The following OPHN1 variants were observed in gnomAD, a reference collection of about 807,000 sequenced individuals.
OPHN1 encodes the protein oligophrenin 1.
A neutral mutation model predicts 60.7 loss-of-function variants in OPHN1; 11 were observed. That is an observed-to-expected ratio of 0.18 (90% CI 0.11 to 0.30). The LOEUF (loss-of-function observed/expected upper bound fraction) is 0.30. OPHN1 is among the 10% of genes least tolerant of loss of function. The pLI, the probability that OPHN1 is intolerant of heterozygous loss-of-function variation, is 1.00. For missense variants in OPHN1, 449 were observed against 611.0 expected, an observed-to-expected ratio of 0.73 and a Z score of 2.80; for synonymous variants, 226 against 222.6, an observed-to-expected ratio of 1.02 and a Z score of -0.14.
chrX:68,053,913 CCT>C, intron 21 of OPHN1, 103 bp from the exon 22 acceptor site: 2 of 864,079 alleles, frequency 2.3e-6, no homozygotes, highest in Non-Finnish European at 3.3e-6. Flanking sequence ...ACTTCCTTGG[CCT>C]CCATTTCTTC....
chrX:68,203,518 C>T (rs764395154), intron 10 of OPHN1, among the ~76,000 whole-genome samples: 1 of 111,208 alleles, frequency 9.0e-6, no homozygotes, highest in South Asian at 3.8e-4. Flanking sequence ...AGTATGCCTT[C>T]CTACCCCTAA....
chrX:68,179,906 G>C (rs938713475), intron 15 of OPHN1, among the ~76,000 whole-genome samples: 1 of 111,375 alleles, frequency 9.0e-6, no homozygotes, highest in African/African-American at 3.3e-5. Flanking sequence ...TTTATCAGGA[G>C]CCCAGTCTCA....
rs878939710 is a variant in OPHN1 at position 68,194,408 on chromosome X, T to C, written c.1138+57A>G. On this transcript the variant is annotated intron_variant, in intron 13 of 24. Coordinates refer to ENST00000355520, the MANE Select transcript of OPHN1 (RefSeq NM_002547.3). ...ACATCATTAATGATGGTATTTACTA[T>C]GAATCGGACAGCTGGCAGTTTATAA... 4.2e-5 allele frequency: 41 copies of C among 976,767 alleles called. No individual in the cohort carries two copies. The South Asian group carries it at 6.3e-4, about 15-fold the overall frequency. The allele number at this position is 976,767 out of a possible 1,213,427, so 80.5% of individuals were successfully genotyped here.
intron 3 of OPHN1, among the ~76,000 whole-genome samples, chrX:68,292,127 G>A (rs1329943849): frequency 7.2e-5 from 8 of 111,286 alleles, no homozygotes; most frequent in African/African-American, 2.3e-4. Flanking sequence ...TGGGTGGCTG[G>A]GGGTTGTTCA....
chrX:68,290,890 G>A (rs942312769), intron 3 of OPHN1, among the ~76,000 whole-genome samples: 1 of 111,596 alleles, frequency 9.0e-6, no homozygotes, highest in African/African-American at 3.3e-5. Context: ...ATTAGATAGT[G>A]TACACAAAGC....
rs746993184 is a variant in OPHN1 at position 68,258,532 on chromosome X, C to T, written c.384+16206G>A. ...CGCAGTGTTTGGTTTTTTGTCCTTGCGATAGTTTGCTGAGAATGATGGTTT... is the reference window on the plus strand; with the variant it reads ...CGCAGTGTTTGGTTTTTTGTCCTTGTGATAGTTTGCTGAGAATGATGGTTT... On this transcript the variant is annotated intron_variant, in intron 5 of 24. Transcript: ENST00000355520. Among the ~76,000 whole-genome samples, 5 of 105,917 alleles carry T rather than the reference C, an allele frequency of 4.7e-5. No individual in the cohort carries two copies. The South Asian group carries it at 1.7e-3, about 37-fold the overall frequency. 92.0% of individuals were successfully genotyped at this position (105,917 alleles called of 115,157 possible).
chrX:68,164,270 C>T (rs1230290019), intron 15 of OPHN1, among the ~76,000 whole-genome samples: 1 of 112,222 alleles, frequency 8.9e-6, no homozygotes, highest in Admixed American at 9.5e-5. Flanking sequence ...TTTCAATATA[C>T]TCTGCCCATA....
intron 10 of OPHN1, among the ~76,000 whole-genome samples, chrX:68,203,156 G>A (rs1375669273): frequency 1.8e-5 from 2 of 111,471 alleles, no homozygotes; most frequent in African/African-American, 6.5e-5. Flanking sequence ...TTGGGAGGCT[G>A]AGGCAGGAGA....
At chrX:68,357,257 T>C (rs1160379754) in intron 2 of OPHN1, among the ~76,000 whole-genome samples, 1 of 112,051 alleles carries the variant, frequency 8.9e-6, no homozygotes, top group Non-Finnish European at 1.9e-5. Context: ...GCTTTTGTTT[T>C]GTTTTTTATT....
chrX:68,246,306 C>T (rs2077805706), intron 5 of OPHN1, among the ~76,000 whole-genome samples: 1 of 111,956 alleles, frequency 8.9e-6, no homozygotes, highest in South Asian at 3.7e-4. Context: ...CAGGCCTTGA[C>T]AGTAAGAATG....
rs1183803800 is a variant in OPHN1 at position 68,043,614 on chromosome X, G to T, written c.*3558C>A. ...AGAATCAAAGAACTTCTTGAAAAGAGAATACTTTCCCATGATAACCAATTA... is the reference window on the plus strand; with the variant it reads ...AGAATCAAAGAACTTCTTGAAAAGATAATACTTTCCCATGATAACCAATTA... On this transcript the variant is annotated 3_prime_UTR_variant, in exon 25 of 25. Coordinates refer to ENST00000355520, the MANE Select transcript of OPHN1 (RefSeq NM_002547.3). The T allele has an allele frequency of 9.0e-6, 1 of 111,471 alleles. No individual in the cohort carries two copies. The highest frequency in any genetic ancestry group is 2.8e-4 in the East Asian group (1 of 3,528). The allele number at this position is 111,471 out of a possible 1,213,427, so 9.2% of individuals were successfully genotyped here.
chrX:68,249,961 C>T (rs7062944), intron 5 of OPHN1, among the ~76,000 whole-genome samples: 1 of 110,988 alleles, frequency 9.0e-6, no homozygotes, highest in Non-Finnish European at 1.9e-5. Flanking sequence ...ACTATAATGT[C>T]AGATTCACCT....
intron 12 of OPHN1, among the ~76,000 whole-genome samples, chrX:68,196,940 G>A (rs2077515210): frequency 8.9e-6 from 1 of 111,908 alleles, no homozygotes; most frequent in African/African-American, 3.2e-5. Flanking sequence ...GCAGGGAGCT[G>A]AGAGATCTGC....
At chrX:68,102,642 G>C (rs746193348) in intron 18 of OPHN1, among the ~76,000 whole-genome samples, 22 of 110,777 alleles carry the variant, frequency 2.0e-4, no homozygotes, top group Non-Finnish European at 3.4e-4. Flanking sequence ...GACTAATAAA[G>C]AAGAAAAGAG....
chrX:68,341,760 C>G (rs1025984334), intron 2 of OPHN1, among the ~76,000 whole-genome samples: 1 of 109,932 alleles, frequency 9.1e-6, no homozygotes, highest in Non-Finnish European at 1.9e-5. Flanking sequence ...ATCACTTGAG[C>G]CTGGAGGTCA....
chrX:68,314,209 A>T (rs764106667), intron 2 of OPHN1, among the ~76,000 whole-genome samples: 47 of 112,050 alleles, frequency 4.2e-4, no homozygotes, highest in African/African-American at 1.5e-3. Flanking sequence ...CCATTAGGAG[A>T]TTGAATCAGT....
rs2077587775 is a variant in OPHN1 at position 68,212,175 on chromosome X, C to T, written c.635G>A (p.Ser212Asn). ...ATCCTGTGTGAGCTCCACAGTCAGG[C>T]TGTTAGAAATGAACAGACTATGAAG... is the stretch of plus-strand genomic sequence containing the variant. ...AFLHSLFISN[S>N]LTVELTQDFL... Residue 212 changes from serine (S) to asparagine (N), a missense_variant, in exon 8 of 25, where the codon AGC (serine) becomes AAC (asparagine). Physicochemically the swap from Ser to Asn is conservative, Grantham distance 46. Around this residue, in one of 4 missense-constraint regions of OPHN1, gnomAD observed 0 missense variants for 16.9 expected, o/e 0.00. Transcript: ENST00000355520. 8.3e-7 allele frequency: 1 copy of T among 1,205,252 alleles called. No homozygotes were observed. Among genetic ancestry groups the T allele is most frequent in the Non-Finnish European group, 1.1e-6 (1 of 891,786 alleles).
At chrX:68,341,523 A>AT (rs986130080) in intron 2 of OPHN1, among the ~76,000 whole-genome samples, 4 of 111,879 alleles carry the variant, frequency 3.6e-5, no homozygotes, top group African/African-American at 1.3e-4. Context: ...AGGAGGTGGC[A>AT]TTTTTAAAAC....
intron 19 of OPHN1, among the ~76,000 whole-genome samples, chrX:68,075,922 G>A (rs2076952094): frequency 9.2e-6 from 1 of 109,260 alleles, no homozygotes; most frequent in Non-Finnish European, 1.9e-5. Context: ...GTTAGCCAAA[G>A]ATATCTTAGA....
Sources: allele counts gnomAD v4.1 joint callset (sites outside exome capture counted in the v4.1 genomes callset), GRCh38; gene constraint gnomAD v4.1.1; regional missense constraint gnomAD v4.1.1; transcripts MANE v1.5; gene names NCBI Gene and HGNC (gene_info 2026-07-23, HGNC 2026-07-21).